The following CAMTA1 variants were observed in gnomAD, a reference collection of about 807,000 sequenced individuals.
CAMTA1 encodes calmodulin-binding transcription activator 1.
A neutral mutation model predicts 170.9 loss-of-function variants in CAMTA1; 27 were observed. The ratio of observed to expected loss-of-function variants is 0.16; its 90% CI spans 0.12 to 0.22. The LOEUF (loss-of-function observed/expected upper bound fraction) is 0.22. Among genes scored for constraint, CAMTA1 ranks in the 10% least tolerant of loss-of-function variants. The pLI, the probability that CAMTA1 is intolerant of heterozygous loss-of-function variation, is 1.00. For synonymous variants in CAMTA1, 833 were observed against 891.5 expected (o/e 0.93, Z 1.17); for missense variants, 1,619 against 2,217.2 (o/e 0.73, Z 5.42).
chr1:7,162,203 A>G (rs2148768298), intron 4 of CAMTA1, among the ~76,000 whole-genome samples: 1 of 152,266 alleles, frequency 6.6e-6, no homozygotes, highest in Non-Finnish European at 1.5e-5. Context: ...CTGGGGCAAG[A>G]CCATGTATGG....
chr1:7,032,989 C>CTT (rs1187174739), intron 3 of CAMTA1, among the ~76,000 whole-genome samples: 2 of 144,264 alleles, frequency 1.4e-5, no homozygotes, highest in Non-Finnish European at 3.2e-5. Flanking sequence ...AGGATTTTTT[C>CTT]TTTATCACTG....
intron 5 of CAMTA1, among the ~76,000 whole-genome samples, chr1:7,409,606 C>T (rs2090558909): frequency 6.6e-6 from 1 of 152,194 alleles, no homozygotes; most frequent in African/African-American, 2.4e-5. Flanking sequence ...TCCCACTTGA[C>T]TGTGCTGAGC....
intron 5 of CAMTA1, among the ~76,000 whole-genome samples, chr1:7,438,882 A>G (rs2092431637): frequency 6.6e-6 from 1 of 152,208 alleles, no homozygotes; most frequent in Admixed American, 6.5e-5. Context: ...TGTAAAACCC[A>G]GTGTCCACCT....
chr1:7,310,698 C>CTT lies in CAMTA1; in HGVS notation c.438+61073_438+61074insTT, dbSNP rs1557491610. Reference sequence around the variant, plus strand: ...TTTCTTTCTCTCTCTCTCTCTCTCTCTCTCTTTCTTTCTTTCTTTCTTTCT... The same window carrying CTT: ...TTTCTTTCTCTCTCTCTCTCTCTCTCTTTCTCTTTCTTTCTTTCTTTCTTTCT... On this transcript the variant is annotated intron_variant, in intron 5 of 22. Coordinates refer to ENST00000303635, the MANE Select transcript of CAMTA1 (RefSeq NM_015215.4). Among the ~76,000 whole-genome samples, 21 of 52,646 alleles carry CTT rather than the reference C, an allele frequency of 4.0e-4. 1 individual carries two copies. The highest frequency in any genetic ancestry group is 1.6e-3 in the African/African-American group (16 of 9,892). The allele number at this position is 52,646 out of a possible 152,430, so 34.5% of individuals were successfully genotyped here.
At chr1:7,164,605 C>G (rs889500701) in intron 4 of CAMTA1, among the ~76,000 whole-genome samples, 3 of 152,228 alleles carry the variant, frequency 2.0e-5, no homozygotes, top group Non-Finnish European at 4.4e-5. Flanking sequence ...AATTGGGCAT[C>G]TGGTCAGATC....
At chr1:7,489,013 T>C (rs1224915042) in intron 6 of CAMTA1, among the ~76,000 whole-genome samples, 1 of 152,182 alleles carries the variant, frequency 6.6e-6, no homozygotes, top group Non-Finnish European at 1.5e-5. Flanking sequence ...CCACATGGGC[T>C]CTGACATTTC....
intron 3 of CAMTA1, among the ~76,000 whole-genome samples, chr1:7,066,408 G>A (rs576456502): frequency 3.3e-5 from 5 of 152,352 alleles, no homozygotes; most frequent in East Asian, 3.9e-4. Flanking sequence ...ATTTAAAGAA[G>A]TTGAGACAGA....
At chr1:6,899,554 G>GCGCACACACACACACACA (rs1306510241) in intron 3 of CAMTA1, among the ~76,000 whole-genome samples, 1 of 141,086 alleles carries the variant, frequency 7.1e-6, no homozygotes, top group Non-Finnish European at 1.6e-5. Flanking sequence ...ACGCGCGCGC[G>GCGCACACACACACACACA]CACACACACA....
At chr1:6,935,290 A>G (rs946891304) in intron 3 of CAMTA1, among the ~76,000 whole-genome samples, 2 of 152,168 alleles carry the variant, frequency 1.3e-5, no homozygotes, top group Admixed American at 6.5e-5. Flanking sequence ...TACAAGGCCA[A>G]GTGACTCTTA....
At chr1:7,217,823 A>G (rs1372832976) in intron 4 of CAMTA1, among the ~76,000 whole-genome samples, 2 of 151,968 alleles carry the variant, frequency 1.3e-5, no homozygotes, top group African/African-American at 4.8e-5. Flanking sequence ...TTTGTTTCCT[A>G]TCATTTTGTA....
At chr1:7,737,149 C>T (rs966042713) in intron 14 of CAMTA1, 106 bp from the exon 15 acceptor site, 65 of 1,357,908 alleles carry the variant, frequency 4.8e-5, no homozygotes, top group African/African-American at 7.2e-5. Context: ...ATGGCCCCAC[C>T]GAGATTGCCA....
chr1:7,713,759 ATG>A (rs2096588796), intron 11 of CAMTA1, among the ~76,000 whole-genome samples: 1 of 152,168 alleles, frequency 6.6e-6, no homozygotes, highest in Admixed American at 6.5e-5. Context: ...AAGATCTTAT[ATG>A]TACGTATGTT....
At chr1:7,584,277 T>C (rs1336094696) in intron 6 of CAMTA1, among the ~76,000 whole-genome samples, 2 of 151,806 alleles carry the variant, frequency 1.3e-5, no homozygotes, top group South Asian at 4.2e-4. Flanking sequence ...AGTGGGGATT[T>C]ATCAGCAAGG....
intron 6 of CAMTA1, among the ~76,000 whole-genome samples, chr1:7,538,568 T>C (rs981925614): frequency 6.6e-6 from 1 of 152,208 alleles, no homozygotes; most frequent in Admixed American, 6.5e-5. Context: ...GGAAAATTCT[T>C]GGGCTCAGGA....
At chr1:7,646,410 G>C (rs924225461) in intron 7 of CAMTA1, among the ~76,000 whole-genome samples, 1 of 149,184 alleles carries the variant, frequency 6.7e-6, no homozygotes, top group African/African-American at 2.5e-5. Context: ...GGTGAGTTGG[G>C]TGGAGGCCCT....
At chr1:7,393,067 A>AG (rs2088908070) in intron 5 of CAMTA1, among the ~76,000 whole-genome samples, 2 of 151,498 alleles carry the variant, frequency 1.3e-5, no homozygotes, top group African/African-American at 2.4e-5. Flanking sequence ...AAAAAAAAAA[A>AG]AAGTTTTAGT....
chr1:7,522,624 G>A (rs761623427), intron 6 of CAMTA1, among the ~76,000 whole-genome samples: 7 of 152,130 alleles, frequency 4.6e-5, no homozygotes, highest in Non-Finnish European at 8.8e-5. Context: ...ATTTAAGTCC[G>A]TAATTCATTC....
intron 1 of CAMTA1, among the ~76,000 whole-genome samples, chr1:6,796,557 GA>G (rs1409707802): frequency 1.3e-5 from 2 of 152,146 alleles, no homozygotes; most frequent in African/African-American, 2.4e-5. Flanking sequence ...AATGGATTTA[GA>G]TTTTTTTTTG....
chr1:7,185,892 T>C (rs1192090845), intron 4 of CAMTA1, among the ~76,000 whole-genome samples: 1 of 152,176 alleles, frequency 6.6e-6, no homozygotes, highest in Non-Finnish European at 1.5e-5. Flanking sequence ...ATACAAAAAC[T>C]GGATGTTCGC....
Sources: allele counts gnomAD v4.1 joint callset (sites outside exome capture counted in the v4.1 genomes callset), GRCh38; gene constraint gnomAD v4.1.1; transcripts MANE v1.5; gene names NCBI Gene and HGNC (gene_info 2026-07-23, HGNC 2026-07-21).